The following MSRA variants were observed in gnomAD, a reference collection of about 807,000 sequenced individuals.
MSRA encodes mitochondrial peptide methionine sulfoxide reductase.
Under a neutral mutation model 31.3 loss-of-function variants are expected in MSRA, and 54 were observed. That is an observed-to-expected ratio of 1.73 (90% CI 1.39 to 2.17). The LOEUF (loss-of-function observed/expected upper bound fraction) is 2.17, where lower values mean the gene tolerates loss of function less well. Among genes scored for constraint, MSRA ranks in the 30% most tolerant of loss-of-function variants. The pLI, the probability that MSRA is intolerant of heterozygous loss-of-function variation, is 0.00. For missense variants in MSRA, 507 were observed against 300.9 expected, an observed-to-expected ratio of 1.69 and a Z score of -5.07; for synonymous variants, 169 against 116.5, an observed-to-expected ratio of 1.45 and a Z score of -2.90.
At chr8:10,324,022 G>T (rs547848301) in intron 5 of MSRA, among the ~76,000 whole-genome samples, 6 of 152,292 alleles carry the variant, frequency 3.9e-5, no homozygotes, top group African/African-American at 9.6e-5. Context: ...TGAAAGTTCA[G>T]TGTTTTCGTA....
intron 1 of MSRA, among the ~76,000 whole-genome samples, chr8:10,098,643 C>T (rs1052362877): frequency 6.6e-6 from 1 of 152,182 alleles, no homozygotes; most frequent in African/African-American, 2.4e-5. Flanking sequence ...TTGCACAATA[C>T]ACATATTGTA....
intron 1 of MSRA, among the ~76,000 whole-genome samples, chr8:10,110,975 G>T (rs1046650507): frequency 6.6e-6 from 1 of 152,148 alleles, no homozygotes; most frequent in African/African-American, 2.4e-5. Flanking sequence ...GATGCAAAAA[G>T]GAAAGTCACA....
At chr8:10,350,669 A>C (rs546457621) in intron 5 of MSRA, among the ~76,000 whole-genome samples, 1 of 152,248 alleles carries the variant, frequency 6.6e-6, no homozygotes, top group African/African-American at 2.4e-5. Flanking sequence ...GAGTGGGCTC[A>C]TAGCTGGTTG....
intron 3 of MSRA, among the ~76,000 whole-genome samples, chr8:10,265,918 G>A (rs1220183908): frequency 2.6e-5 from 4 of 152,194 alleles, no homozygotes; most frequent in Admixed American, 6.5e-5. Flanking sequence ...ATGCATCCAT[G>A]TTCTCGGATC....
intron 1 of MSRA, among the ~76,000 whole-genome samples, chr8:10,160,637 A>G (rs1048695949): frequency 2.0e-5 from 3 of 152,072 alleles, no homozygotes; most frequent in African/African-American, 7.2e-5. Context: ...GGTTCAAGCA[A>G]TTCTGCCTCA....
chr8:10,055,526 G>T (rs369367026), intron 1 of MSRA, among the ~76,000 whole-genome samples: 1 of 152,204 alleles, frequency 6.6e-6, no homozygotes, highest in Non-Finnish European at 1.5e-5. Flanking sequence ...CACCTGGGTG[G>T]GCGTTCCCCC....
intron 1 of MSRA, among the ~76,000 whole-genome samples, chr8:10,158,440 A>G (rs984159736): frequency 2.1e-4 from 32 of 152,298 alleles, no homozygotes; most frequent in East Asian, 9.6e-4. Context: ...AGATTTGTCA[A>G]TTTTGGATAC....
Position 10,054,513 on chromosome 8 carries a change from T to G in MSRA, c.-4T>G. On this transcript the variant is annotated 5_prime_UTR_variant, in exon 1 of 6. Coordinates refer to ENST00000317173, the MANE Select transcript of MSRA (RefSeq NM_012331.5). ...CGGGACCACCCTTCGGCTGGCGCCC[T>G]CCCATGCTCTCGGCCACCCGGAGGG... The G allele has an allele frequency of 3.8e-6, 6 of 1,571,550 alleles. No homozygotes were observed. The highest frequency in any genetic ancestry group is 5.2e-6 in the Non-Finnish European group (6 of 1,159,646).
At chr8:10,183,808 GTGCTGC>G (rs752435520) in intron 1 of MSRA, among the ~76,000 whole-genome samples, 2 of 100,168 alleles carry the variant, frequency 2.0e-5, no homozygotes, top group African/African-American at 3.4e-5. Context: ...GGTGGTGGTG[GTGCTGC>G]TGCTGCTGCT....
chr8:10,329,642 C>A (rs1341805794), intron 5 of MSRA, among the ~76,000 whole-genome samples: 1 of 152,128 alleles, frequency 6.6e-6, no homozygotes, highest in Non-Finnish European at 1.5e-5. Context: ...ATAATCTGGT[C>A]TCCAACCTGC....
chr8:10,169,570 C>G (rs972022292), intron 1 of MSRA, among the ~76,000 whole-genome samples: 3 of 152,080 alleles, frequency 2.0e-5, no homozygotes, highest in African/African-American at 7.2e-5. Flanking sequence ...GCAAGTGATT[C>G]TTAGATAAGA....
chr8:10,417,678 C>T (rs114079053), intron 5 of MSRA, among the ~76,000 whole-genome samples: 57 of 151,590 alleles, frequency 3.8e-4, no homozygotes, highest in African/African-American at 1.3e-3. Context: ...TGATTGACAT[C>T]TATTTGGTCA....
chr8:10,207,072 T>C (rs1020804415), intron 1 of MSRA, among the ~76,000 whole-genome samples: 2 of 152,232 alleles, frequency 1.3e-5, no homozygotes, highest in African/African-American at 4.8e-5. Flanking sequence ...CTGCTGAGGA[T>C]ATTATTTAGA....
rs147110073 is a variant in MSRA at position 10,350,827 on chromosome 8, A to G, written c.543+30838A>G. 2.9e-3 allele frequency among the ~76,000 whole-genome samples: 437 copies of G among 152,186 alleles called. 2 individuals carry two copies. The highest frequency in any genetic ancestry group is 0.013 in the South Asian group (63 of 4,816). On this transcript the variant is annotated intron_variant, in intron 5 of 5. Coordinates refer to ENST00000317173, the MANE Select transcript of MSRA (RefSeq NM_012331.5). ...CACAGCATTGCGCCTTCCCTCTTCC[A>G]GTTCCCAGGGTCGCTTCAGGCTGTC...
chr8:10,292,825 C>G (rs543279101), intron 3 of MSRA, among the ~76,000 whole-genome samples: 1 of 152,090 alleles, frequency 6.6e-6, no homozygotes. Flanking sequence ...TGGGCGAGCC[C>G]TACAGGCTGG....
intron 3 of MSRA, among the ~76,000 whole-genome samples, chr8:10,277,434 A>G (rs1799381360): frequency 6.6e-6 from 1 of 152,174 alleles, no homozygotes; most frequent in African/African-American, 2.4e-5. Flanking sequence ...TATTTCTAAG[A>G]ATAGGAAATT....
chr8:10,332,392 A>T (rs1802753399), intron 5 of MSRA, among the ~76,000 whole-genome samples: 1 of 152,176 alleles, frequency 6.6e-6, no homozygotes. Context: ...GTTATGATTT[A>T]AAATGCCCAT....
At chr8:10,408,799 G>C (rs561604531) in intron 5 of MSRA, among the ~76,000 whole-genome samples, 1 of 115,754 alleles carries the variant, frequency 8.6e-6, no homozygotes, top group African/African-American at 3.4e-5. Flanking sequence ...GCTCCCATCC[G>C]TAAGATAGAA....
intron 5 of MSRA, among the ~76,000 whole-genome samples, chr8:10,331,276 G>A (rs1192104971): frequency 2.0e-5 from 3 of 152,236 alleles, no homozygotes; most frequent in Non-Finnish European, 4.4e-5. Flanking sequence ...TGGAGCGGGG[G>A]CAGAGCACTG....
Sources: allele counts gnomAD v4.1 joint callset (sites outside exome capture counted in the v4.1 genomes callset), GRCh38; gene constraint gnomAD v4.1.1; transcripts MANE v1.5; gene names NCBI Gene and HGNC (gene_info 2026-07-23, HGNC 2026-07-21).